The following PACSIN2 variants were observed in gnomAD, a reference collection of about 807,000 sequenced individuals.
PACSIN2 encodes protein kinase C and casein kinase substrate in neurons 2, also known as protein kinase C and casein kinase substrate in neurons protein 2.
PACSIN2 carries 25 observed loss-of-function variants against 63.8 expected under a neutral mutation model. The ratio of observed to expected loss-of-function variants is 0.39; its 90% CI spans 0.29 to 0.55. The LOEUF (loss-of-function observed/expected upper bound fraction) is 0.55, where lower values mean the gene tolerates loss of function less well. PACSIN2 is among the 20% of genes least tolerant of loss of function. PACSIN2 has a pLI of 0.62. For synonymous variants in PACSIN2, 255 were observed against 256.2 expected, an observed-to-expected ratio of 1.00 and a Z score of 0.05; for missense variants, 518 against 646.9, an observed-to-expected ratio of 0.80 and a Z score of 2.16.
chr22:43,012,075 G>A (rs549901525), intron 1 of PACSIN2, among the ~76,000 whole-genome samples: 1 of 152,220 alleles, frequency 6.6e-6, no homozygotes, highest in African/African-American at 2.4e-5. Context: ...AACCTGGGAG[G>A]CAGAGGTTAC....
At chr22:42,878,568 G>C (rs1928824149) in intron 8 of PACSIN2, among the ~76,000 whole-genome samples, 1 of 152,206 alleles carries the variant, frequency 6.6e-6, no homozygotes, top group South Asian at 2.1e-4. Flanking sequence ...TAGTGAAGAG[G>C]TAATTTGGAA....
chr22:42,873,849 A>T (rs1454571981), intron 10 of PACSIN2, among the ~76,000 whole-genome samples: 1 of 150,782 alleles, frequency 6.6e-6, no homozygotes, highest in African/African-American at 2.4e-5. Flanking sequence ...GCTGGAGTGC[A>T]GTGGTATGAT....
intron 1 of PACSIN2, among the ~76,000 whole-genome samples, chr22:42,966,746 G>A (rs192824124): frequency 3.2e-4 from 48 of 152,284 alleles, no homozygotes; most frequent in African/African-American, 1.1e-3. Flanking sequence ...AAGATGTCAC[G>A]CAGCCTCATG....
At chr22:42,890,188 G>A (rs1929803088) in intron 4 of PACSIN2, among the ~76,000 whole-genome samples, 1 of 152,012 alleles carries the variant, frequency 6.6e-6, no homozygotes, top group South Asian at 2.1e-4. Flanking sequence ...TTTTAGTAGA[G>A]ATGGGGTTTC....
chr22:42,994,272 C>A (rs1281425716), intron 1 of PACSIN2, among the ~76,000 whole-genome samples: 4 of 152,200 alleles, frequency 2.6e-5, no homozygotes, highest in African/African-American at 9.6e-5. Context: ...AACCCCACCT[C>A]CCCATGCAAC....
rs201082153 is a variant in PACSIN2, at chr22:42,879,109, C to T, written c.967G>A (p.Gly323Ser). 4.1e-5 allele frequency: 66 copies of T among 1,614,016 alleles called. No homozygotes were observed. Among genetic ancestry groups the T allele is most frequent in the Middle Eastern group, 3.3e-4 (2 of 6,082 alleles). The change falls in exon 8 of 11, where the codon GGC (glycine) becomes AGC (serine). Residue 323 changes from glycine to serine, a missense_variant. Coordinates refer to ENST00000263246, the MANE Select transcript of PACSIN2 (RefSeq NM_001184970.3). ...SRREKKKATD[G>S]VTLTGINQTG... ...TGGTTGATGCCCGTCAGGGTGACGC[C>T]GTCAGTGGCCTTCTTCTTCTCTCTC...
intron 5 of PACSIN2, among the ~76,000 whole-genome samples, 154 bp downstream of exon 5, chr22:42,888,489 C>CT (rs1929653912): frequency 6.6e-6 from 1 of 152,194 alleles, no homozygotes; most frequent in Admixed American, 6.5e-5. Flanking sequence ...CTAGGGCACT[C>CT]ACCTGTGGCC....
At chr22:42,978,088 CT>C (rs1270768870) in intron 1 of PACSIN2, among the ~76,000 whole-genome samples, 9 of 152,220 alleles carry the variant, frequency 5.9e-5, no homozygotes, top group Non-Finnish European at 1.3e-4. Flanking sequence ...CACTCACTGG[CT>C]CATTCATTCA....
At chr22:42,909,562 C>G (rs748922179) in intron 2 of PACSIN2, 4 of 471,142 alleles carry the variant, frequency 8.5e-6, no homozygotes, top group South Asian at 6.2e-5. Context: ...GGAGTTGATA[C>G]CAGCTGGAGA....
chr22:42,929,542 G>A (rs1327079680), intron 1 of PACSIN2, among the ~76,000 whole-genome samples: 2 of 152,168 alleles, frequency 1.3e-5, no homozygotes, highest in African/African-American at 4.8e-5. Flanking sequence ...CCAAAGTACA[G>A]GCAAAAGAAT....
intron 1 of PACSIN2, among the ~76,000 whole-genome samples, chr22:42,989,459 T>A (rs1008755070): frequency 6.9e-6 from 1 of 145,628 alleles, no homozygotes; most frequent in Non-Finnish European, 1.5e-5. Flanking sequence ...GATCACACGA[T>A]TGCACTCCAG....
At chr22:42,948,559 G>A (rs938493794) in intron 1 of PACSIN2, among the ~76,000 whole-genome samples, 1 of 152,132 alleles carries the variant, frequency 6.6e-6, no homozygotes, top group Non-Finnish European at 1.5e-5. Context: ...GATCACTTGA[G>A]CCCAAGAGTT....
At chr22:42,882,138 G>A (rs760511481) in intron 7 of PACSIN2, 46 bp downstream of exon 7, 3 of 1,606,180 alleles carry the variant, frequency 1.9e-6, no homozygotes, top group South Asian at 2.2e-5. Context: ...TGTGGGCCCA[G>A]GTCCTCTTCC....
At chr22:42,953,748 A>C (rs570748836) in intron 1 of PACSIN2, among the ~76,000 whole-genome samples, 4 of 152,332 alleles carry the variant, frequency 2.6e-5, no homozygotes, top group Admixed American at 2.6e-4. Context: ...CTAGTTTTGA[A>C]ATTAAGACAA....
At chr22:42,936,109 A>G (rs1601545821) in intron 1 of PACSIN2, among the ~76,000 whole-genome samples, 1 of 151,916 alleles carries the variant, frequency 6.6e-6, no homozygotes, top group Middle Eastern at 3.4e-3. Context: ...CCAGCTACTC[A>G]GGAGGCAGAG....
intron 1 of PACSIN2, among the ~76,000 whole-genome samples, chr22:42,922,853 C>T (rs1347334767): frequency 6.6e-6 from 1 of 152,158 alleles, no homozygotes; most frequent in Non-Finnish European, 1.5e-5. Context: ...GTAAAAACAG[C>T]TATATGGTGT....
At chr22:42,947,247 G>T (rs772818715) in intron 1 of PACSIN2, among the ~76,000 whole-genome samples, 2 of 152,196 alleles carry the variant, frequency 1.3e-5, no homozygotes, top group Non-Finnish European at 2.9e-5. Flanking sequence ...GGAGGGAGAA[G>T]AGGAATGCTC....
chr22:42,947,322 T>G (rs1205312835), intron 1 of PACSIN2, among the ~76,000 whole-genome samples: 1 of 152,162 alleles, frequency 6.6e-6, no homozygotes, highest in Non-Finnish European at 1.5e-5. Context: ...ATTGACAACA[T>G]GCATGAGTCA....
At chr22:42,911,210 A>C (rs1931433321) in intron 2 of PACSIN2, among the ~76,000 whole-genome samples, 1 of 151,916 alleles carries the variant, frequency 6.6e-6, no homozygotes, top group African/African-American at 2.4e-5. Flanking sequence ...GGCCATGCAA[A>C]GCCTCTTTCC....
Sources: allele counts gnomAD v4.1 joint callset (sites outside exome capture counted in the v4.1 genomes callset), GRCh38; gene constraint gnomAD v4.1.1; transcripts MANE v1.5; gene names NCBI Gene and HGNC (gene_info 2026-07-23, HGNC 2026-07-21).